Variants in SETBP1 observed in about 807,000 individuals in gnomAD.
SETBP1 encodes SET binding protein 1, also known as SET-binding protein.
SETBP1 carries 9 observed loss-of-function variants against 101.0 expected under a neutral mutation model. The observed-to-expected ratio is 0.09, with a 90% CI of 0.05 to 0.16. The LOEUF is 0.16. Ranked by LOEUF, SETBP1 falls within the 10% of genes least tolerant of loss-of-function variation. The pLI is 1.00. For missense variants in SETBP1, 1,858 were observed against 2,033.8 expected (o/e 0.91, Z 1.66); for synonymous variants, 818 against 788.5 (o/e 1.04, Z -0.63).
chr18:44,763,543 A>G (rs1287062403), intron 2 of SETBP1, among the ~76,000 whole-genome samples: 1 of 152,220 alleles, frequency 6.6e-6, no homozygotes, highest in Non-Finnish European at 1.5e-5. Flanking sequence ...TGTTTACTGT[A>G]TTGACTCTCT....
At chr18:45,025,293 C>T (rs2145434050) in intron 4 of SETBP1, among the ~76,000 whole-genome samples, 1 of 152,298 alleles carries the variant, frequency 6.6e-6, no homozygotes, top group South Asian at 2.1e-4. Flanking sequence ...AGTAAATCAA[C>T]TGTATCAGAC....
intron 4 of SETBP1, among the ~76,000 whole-genome samples, chr18:45,025,179 G>A (rs920252009): frequency 2.6e-5 from 4 of 152,174 alleles, no homozygotes; most frequent in Admixed American, 1.3e-4. Context: ...TTAAAGGGAG[G>A]TGATGAATAC....
chr18:44,794,017 C>T (rs899329561), intron 2 of SETBP1, among the ~76,000 whole-genome samples: 2 of 152,120 alleles, frequency 1.3e-5, no homozygotes, highest in East Asian at 1.9e-4. Flanking sequence ...GACTATTGGC[C>T]GCTTCTTTGG....
intron 2 of SETBP1, among the ~76,000 whole-genome samples, chr18:44,786,193 A>G (rs905873043): frequency 6.6e-6 from 1 of 152,104 alleles, no homozygotes; most frequent in Non-Finnish European, 1.5e-5. Flanking sequence ...TGGAAATGCA[A>G]TGTTTTAGTT....
intron 3 of SETBP1, among the ~76,000 whole-genome samples, chr18:44,904,597 G>A (rs538790465): frequency 6.7e-4 from 102 of 152,302 alleles, no homozygotes; most frequent in African/African-American, 2.3e-3. Flanking sequence ...ACAGAGCACA[G>A]GTTGTAATGA....
intron 2 of SETBP1, among the ~76,000 whole-genome samples, chr18:44,793,949 T>C (rs1051791547): frequency 2.0e-5 from 3 of 152,220 alleles, no homozygotes; most frequent in African/African-American, 7.2e-5. Context: ...AATATGTTAA[T>C]TGCAAAAAGA....
At chr18:44,711,406 T>TCCTC (rs778483334) in intron 2 of SETBP1, among the ~76,000 whole-genome samples, 4 of 142,366 alleles carry the variant, frequency 2.8e-5, no homozygotes, top group Non-Finnish European at 6.1e-5. Flanking sequence ...CTCTCTCCCT[T>TCCTC]CCTCCCTCCC....
At chr18:45,061,969 A>G (rs1194341438) in intron 5 of SETBP1, among the ~76,000 whole-genome samples, 1 of 152,136 alleles carries the variant, frequency 6.6e-6, no homozygotes, top group African/African-American at 2.4e-5. Context: ...AGCCAGGGGG[A>G]GTGGCCACCT....
At chr18:44,903,144 A>G (rs1334232336) in intron 3 of SETBP1, among the ~76,000 whole-genome samples, 1 of 152,112 alleles carries the variant, frequency 6.6e-6, no homozygotes, top group Non-Finnish European at 1.5e-5. Context: ...ACACACACAC[A>G]AAATAAACAC....
intron 3 of SETBP1, among the ~76,000 whole-genome samples, chr18:44,898,069 A>T (rs1382822713): frequency 2.0e-5 from 3 of 152,072 alleles, no homozygotes; most frequent in South Asian, 4.2e-4. Flanking sequence ...CTGACTCTAA[A>T]CTCACTCAGG....
At chr18:44,957,040 T>C (rs2071500152) in intron 4 of SETBP1, among the ~76,000 whole-genome samples, 1 of 152,188 alleles carries the variant, frequency 6.6e-6, no homozygotes, top group South Asian at 2.1e-4. Flanking sequence ...AATGCTTGCC[T>C]GGGACCAGAA....
At chr18:44,934,173 G>A (rs1403747612) in intron 3 of SETBP1, among the ~76,000 whole-genome samples, 1 of 146,430 alleles carries the variant, frequency 6.8e-6, no homozygotes, top group Non-Finnish European at 1.5e-5. Context: ...TTTTTAGACT[G>A]AGTCTTGCTC....
At chr18:44,855,199 G>A (rs661638) in intron 2 of SETBP1, among the ~76,000 whole-genome samples, 48,112 of 151,396 alleles carry the variant, frequency 0.32, 7,646 homozygotes, top group South Asian at 0.39. Context: ...TGTTATGATC[G>A]TTATTGTTTA....
intron 4 of SETBP1, among the ~76,000 whole-genome samples, chr18:45,020,916 C>T (rs1423490250): frequency 6.6e-6 from 1 of 152,196 alleles, no homozygotes; most frequent in Non-Finnish European, 1.5e-5. Flanking sequence ...TTGAACTAAT[C>T]TCAATGTTCA....
At chr18:44,865,193 G>T (rs1316449750) in intron 2 of SETBP1, among the ~76,000 whole-genome samples, 1 of 152,208 alleles carries the variant, frequency 6.6e-6, no homozygotes, top group African/African-American at 2.4e-5. Flanking sequence ...ATGTGATCTT[G>T]AAAATGTCAC....
At chr18:44,990,132 G>T (rs926075376) in intron 4 of SETBP1, among the ~76,000 whole-genome samples, 1 of 151,952 alleles carries the variant, frequency 6.6e-6, no homozygotes, top group African/African-American at 2.4e-5. Flanking sequence ...AATGTTTTAA[G>T]TCTAACAAAA....
chr18:44,908,060 T>C (rs529639670), intron 3 of SETBP1, among the ~76,000 whole-genome samples: 19 of 137,338 alleles, frequency 1.4e-4, no homozygotes, highest in Non-Finnish European at 2.5e-4. Flanking sequence ...CCTTCTTTTT[T>C]ATTTTTTATT....
intron 2 of SETBP1, among the ~76,000 whole-genome samples, chr18:44,819,724 C>G (rs1240609951): frequency 6.6e-6 from 1 of 152,172 alleles, no homozygotes; most frequent in Non-Finnish European, 1.5e-5. Flanking sequence ...CATGGCTTGA[C>G]TATCTTGGTC....
At chr18:44,958,771 C>A (rs1436862101) in intron 4 of SETBP1, among the ~76,000 whole-genome samples, 4 of 152,114 alleles carry the variant, frequency 2.6e-5, no homozygotes, top group Non-Finnish European at 5.9e-5. Context: ...ATCTCTTTGA[C>A]AATCATTTGG....
Sources: allele counts gnomAD v4.1 joint callset (sites outside exome capture counted in the v4.1 genomes callset), GRCh38; gene constraint gnomAD v4.1.1; transcripts MANE v1.5; gene names NCBI Gene and HGNC (gene_info 2026-07-23, HGNC 2026-07-21).